The following MAP2K3 variants were observed in gnomAD, a reference collection of about 807,000 sequenced individuals.
The protein encoded by MAP2K3 is mitogen-activated protein kinase kinase 3, also known as dual specificity mitogen-activated protein kinase kinase 3.
A neutral mutation model predicts 46.4 loss-of-function variants in MAP2K3; 30 were observed. That is an observed-to-expected ratio of 0.65 (90% CI 0.48 to 0.88). MAP2K3 has a LOEUF of 0.88. Ranked by LOEUF, MAP2K3 falls within the 40% of genes least tolerant of loss-of-function variation. The pLI is 0.00. For missense variants in MAP2K3, 380 were observed against 464.5 expected, an observed-to-expected ratio of 0.82 and a Z score of 1.67; for synonymous variants, 189 against 176.3, an observed-to-expected ratio of 1.07 and a Z score of -0.57.
intron 9 of MAP2K3, among the ~76,000 whole-genome samples, chr17:21,306,589 C>T (rs1267587373): frequency 7.9e-5 from 12 of 152,276 alleles, no homozygotes; most frequent in Admixed American, 3.3e-4. Context: ...TGGGTTCAAG[C>T]GATTCTTGTG....
intron 3 of MAP2K3, among the ~76,000 whole-genome samples, chr17:21,300,260 A>G (rs372762068): frequency 8.3e-3 from 1,258 of 151,864 alleles, no homozygotes; most frequent in African/African-American, 0.029. Flanking sequence ...GGGACAGGGC[A>G]CCTCTTTCTC....
At chr17:21,290,893 A>G (rs1304808710) in intron 1 of MAP2K3, among the ~76,000 whole-genome samples, 2 of 152,290 alleles carry the variant, frequency 1.3e-5, no homozygotes, top group East Asian at 1.9e-4. Flanking sequence ...TGAGGCTGCA[A>G]TGAGTGCCAC....
At chr17:21,295,619 G>T in intron 1 of MAP2K3, 1 of 1,287,348 alleles carries the variant, frequency 7.8e-7, no homozygotes, top group South Asian at 1.2e-5. Context: ...TGACAGCTGG[G>T]TGGCTTCCCC....
chr17:21,288,163 C>T (rs1489697957), intron 1 of MAP2K3: 8 of 1,159,520 alleles, frequency 6.9e-6, no homozygotes, highest in African/African-American at 1.6e-5. Flanking sequence ...CTTAAAGGGG[C>T]GATGCCTGCC....
At chr17:21,298,803 A>G (rs960419831) in intron 2 of MAP2K3, 75 bp from the exon 3 acceptor site, 36 of 1,608,602 alleles carry the variant, frequency 2.2e-5, no homozygotes, top group Non-Finnish European at 3.1e-5. Context: ...CAGGCCCCAC[A>G]CTGGCCCATC....
chr17:21,292,718 C>CTTAAGTGA (rs1360233918), intron 1 of MAP2K3, among the ~76,000 whole-genome samples: 2 of 152,280 alleles, frequency 1.3e-5, no homozygotes, highest in South Asian at 2.1e-4. Context: ...AACTCCTGAC[C>CTTAAGTGA]TCAAGTAATC....
At chr17:21,300,509 C>T (rs772332862) in intron 3 of MAP2K3, 36 bp from the exon 4 acceptor site, 23 of 1,576,970 alleles carry the variant, frequency 1.5e-5, no homozygotes, top group East Asian at 1.4e-4. Context: ...TGGCTTCCAG[C>T]TTGCTGGCCA....
chr17:21,313,755 G>A (rs1362297646), intron 11 of MAP2K3: 2 of 596,804 alleles, frequency 3.4e-6, no homozygotes, highest in Non-Finnish European at 3.0e-6. Context: ...TACACAGGCA[G>A]TGTGTGACAG....
rs988327220 is a variant in MAP2K3, at chr17:21,296,706, C to G, written c.50-1707C>G. ...AGGGCTGTGGGAGTATCTGGAGTCA[C>G]AGATGAGAAGGGCCCTGCCTGTGGC... On this transcript the variant is annotated intron_variant, in intron 1 of 11. Transcript: ENST00000342679. Among the ~76,000 whole-genome samples the G allele has an allele frequency of 2.0e-5, 3 of 152,422 alleles. No individual in the cohort carries two copies. In the East Asian group the frequency reaches 5.8e-4, roughly 29 times the overall value.
At chr17:21,296,073 T>TTG in intron 1 of MAP2K3, 1 of 1,289,560 alleles carries the variant, frequency 7.8e-7, no homozygotes, top group Non-Finnish European at 1.0e-6. Context: ...AGTTTTTTTT[T>TTG]TCACCTCTGC....
In MAP2K3 at chr17:21,300,240, CG is replaced by C. The variant is rs1597815549; in HGVS notation, c.166-302del. On this transcript the variant is annotated intron_variant, in intron 3 of 11. Transcript: ENST00000342679. ...CTCATTCTAGCCAGCTGAGTGGGGT[CG>C]GGAAAAGAGGGACAGGGCACCTCTT... 6.6e-5 allele frequency among the ~76,000 whole-genome samples: 10 copies of C among 152,430 alleles called. No homozygotes were observed. The East Asian group carries it at 1.9e-3, about 29-fold the overall frequency.
intron 6 of MAP2K3, among the ~76,000 whole-genome samples, chr17:21,302,814 C>T (rs911308111): frequency 1.3e-3 from 203 of 152,338 alleles, no homozygotes; most frequent in African/African-American, 4.7e-3. Context: ...CCCACCCAGC[C>T]TTCCCAAGGG....
intron 9 of MAP2K3, among the ~76,000 whole-genome samples, chr17:21,305,558 A>G (rs1976851556): frequency 6.6e-6 from 1 of 152,284 alleles, no homozygotes; most frequent in Admixed American, 6.5e-5. Flanking sequence ...CGGGCTCTCA[A>G]TCCTGGGCCT....
At chr17:21,303,107 T>A in intron 6 of MAP2K3, 76 bp from the exon 7 acceptor site, 1 of 1,592,062 alleles carries the variant, frequency 6.3e-7, no homozygotes, top group Non-Finnish European at 8.6e-7. Context: ...GGATGGGGTC[T>A]TACTGCTCTG....
intron 7 of MAP2K3, 28 bp from the exon 8 acceptor site, chr17:21,304,398 G>T: frequency 6.2e-7 from 1 of 1,614,258 alleles, no homozygotes. Context: ...CTCCACAGAC[G>T]TGGCTGAGGC....
intron 9 of MAP2K3, among the ~76,000 whole-genome samples, chr17:21,306,106 C>T (rs1473031555): frequency 6.6e-6 from 1 of 152,224 alleles, no homozygotes; most frequent in Non-Finnish European, 1.5e-5. Context: ...CCCTGCAGTT[C>T]CGTTCGGTTC....
Position 21,290,098 on chromosome 17 carries a change from T to C in MAP2K3, c.49+5129T>C, listed in dbSNP as rs570431734. On this transcript the variant is annotated intron_variant, in intron 1 of 11. Transcript: ENST00000342679. ...TCCAAGGCCCGTCCCAAGGTTTACA[T>C]GTGCCAGTGTGTGCGGTGATGCGGT... Among the ~76,000 whole-genome samples, 12 of 152,350 alleles carry C rather than the reference T, an allele frequency of 7.9e-5. No individual in the cohort carries two copies. In the East Asian group the frequency reaches 2.1e-3, roughly 27 times the overall value.
chr17:21,291,639 GCCTGCCCCACAGTGT>G, intron 1 of MAP2K3: 1 of 455,130 alleles, frequency 2.2e-6, no homozygotes, highest in Non-Finnish European at 4.4e-6. Flanking sequence ...TGAGCATGGG[GCCTGCCCCACAGTGT>G]GGGAGCCTGG....
At chr17:21,299,151 G>A (rs1026345519) in intron 3 of MAP2K3, among the ~76,000 whole-genome samples, 21 of 152,420 alleles carry the variant, frequency 1.4e-4, no homozygotes, top group Admixed American at 2.0e-4. Flanking sequence ...GGAGCTTGGC[G>A]AGCCCAGAGC....
Sources: allele counts gnomAD v4.1 joint callset (sites outside exome capture counted in the v4.1 genomes callset), GRCh38; gene constraint gnomAD v4.1.1; transcripts MANE v1.5; gene names NCBI Gene and HGNC (gene_info 2026-07-23, HGNC 2026-07-21).